DLG1: variants seen among roughly 807,000 people sequenced by gnomAD.
DLG1 encodes the protein disks large homolog 1.
In DLG1, 42 loss-of-function variants were observed where a neutral mutation model predicts 123.4. The observed-to-expected ratio is 0.34, with a 90% confidence interval of 0.27 to 0.44. The LOEUF is 0.44. Among genes scored for constraint, DLG1 ranks in the 20% least tolerant of loss-of-function variants. The pLI, the probability that DLG1 is intolerant of heterozygous loss-of-function variation, is 1.00. For synonymous variants in DLG1, 317 were observed against 356.2 expected, an observed-to-expected ratio of 0.89 and a Z score of 1.24; for missense variants, 942 against 1,082.6, an observed-to-expected ratio of 0.87 and a Z score of 1.82.
At chr3:197,149,520 G>C (rs1413518912) in intron 6 of DLG1, among the ~76,000 whole-genome samples, 1 of 151,808 alleles carries the variant, frequency 6.6e-6, no homozygotes, top group African/African-American at 2.4e-5. Context: ...ATTAAATTAC[G>C]AATTTCTATT....
intron 16 of DLG1, among the ~76,000 whole-genome samples, chr3:197,083,337 C>T (rs564169692): frequency 9.9e-4 from 150 of 152,130 alleles, no homozygotes; most frequent in Non-Finnish European, 1.8e-3. Flanking sequence ...ACAGCATAAT[C>T]GACTTAAAAT....
intron 18 of DLG1, chr3:197,070,172 CTTTTA>C (rs1248135164): frequency 1.3e-5 from 2 of 151,508 alleles, no homozygotes; most frequent in Non-Finnish European, 2.9e-5. Flanking sequence ...AAGACTAATA[CTTTTA>C]TTTTTAAAAA....
rs185363861 is a variant in DLG1 at position 197,118,851 on chromosome 3, C to T, written c.1286+559G>A. On this transcript the variant is annotated intron_variant, in intron 12 of 24. Transcript: ENST00000667157. ...GATATATAGCAAACAAACAAACCCA[C>T]CCACCAGCCAGGCAAAGGGGATCAC... Among the ~76,000 whole-genome samples the T allele has an allele frequency of 8.9e-4, 135 of 152,208 alleles. 1 individual carries two copies. Among genetic ancestry groups the T allele is most frequent in the African/African-American group, 2.9e-3 (121 of 41,532 alleles).
At chr3:197,134,168 A>T (rs1783994995) in intron 10 of DLG1, among the ~76,000 whole-genome samples, 1 of 152,168 alleles carries the variant, frequency 6.6e-6, no homozygotes, top group Non-Finnish European at 1.5e-5. Flanking sequence ...AAGAGTGGTG[A>T]TCTTAGCTGT....
chr3:197,065,577 A>C, intron 21 of DLG1, 129 bp from the exon 22 acceptor site: 1 of 1,011,686 alleles, frequency 9.9e-7, no homozygotes, highest in Non-Finnish European at 1.5e-6. Context: ...AAGGACAATA[A>C]TATGGAGGAT....
chr3:197,102,909 C>T (rs1764299127), intron 14 of DLG1, among the ~76,000 whole-genome samples: 1 of 152,146 alleles, frequency 6.6e-6, no homozygotes, highest in Non-Finnish European at 1.5e-5. Flanking sequence ...GCTAGAGTAG[C>T]TATTCCAGAA....
chr3:197,072,001 T>C (rs552268728), intron 18 of DLG1, among the ~76,000 whole-genome samples: 191 of 152,326 alleles, frequency 1.3e-3, no homozygotes, highest in African/African-American at 4.4e-3. Context: ...AGCAACACTA[T>C]TTAAAATAGC....
intron 5 of DLG1, among the ~76,000 whole-genome samples, chr3:197,155,595 G>T (rs557277821): frequency 6.6e-6 from 1 of 151,762 alleles, no homozygotes; most frequent in Non-Finnish European, 1.5e-5. Context: ...TTTTCCACAT[G>T]ATTGAAGAGA....
chr3:197,291,589 TTAG>T (rs1348299937), intron 3 of DLG1, among the ~76,000 whole-genome samples: 1 of 152,200 alleles, frequency 6.6e-6, no homozygotes, highest in African/African-American at 2.4e-5. Context: ...TGCTTGTCAT[TTAG>T]TATTCTTTAT....
At chr3:197,232,977 T>C (rs1049529788) in intron 4 of DLG1, among the ~76,000 whole-genome samples, 2 of 152,126 alleles carry the variant, frequency 1.3e-5, no homozygotes, top group Admixed American at 1.3e-4. Flanking sequence ...AAAACTGTAC[T>C]GGACATTCTA....
intron 3 of DLG1, among the ~76,000 whole-genome samples, chr3:197,284,704 A>T (rs769706003): frequency 1.3e-5 from 2 of 152,216 alleles, no homozygotes; most frequent in Non-Finnish European, 2.9e-5. Flanking sequence ...ACAGCAAGCA[A>T]GAAGAGAAAA....
chr3:197,058,913 C>T (rs1214879944), intron 23 of DLG1, among the ~76,000 whole-genome samples: 1 of 152,158 alleles, frequency 6.6e-6, no homozygotes, highest in Non-Finnish European at 1.5e-5. Context: ...GAATATTTTA[C>T]TTTTATGAAA....
chr3:197,124,306 G>A (rs1338566413), intron 11 of DLG1, among the ~76,000 whole-genome samples: 1 of 152,106 alleles, frequency 6.6e-6, no homozygotes, highest in African/African-American at 2.4e-5. Flanking sequence ...ACAGAGTCTT[G>A]CTTTGTCGCC....
At chr3:197,218,702 A>G (rs1735308538) in intron 4 of DLG1, among the ~76,000 whole-genome samples, 1 of 152,226 alleles carries the variant, frequency 6.6e-6, no homozygotes, top group Non-Finnish European at 1.5e-5. Context: ...GCTTGTTTGG[A>G]ACAATTTAAA....
At chr3:197,194,209 A>G in intron 5 of DLG1, 1 of 299,558 alleles carries the variant, frequency 3.3e-6, no homozygotes, top group Middle Eastern at 8.8e-4. Context: ...ACTTAAAGAT[A>G]GCATCACTGA....
chr3:197,230,293 T>C (rs1176097057), intron 4 of DLG1, among the ~76,000 whole-genome samples: 1 of 152,190 alleles, frequency 6.6e-6, no homozygotes, highest in Admixed American at 6.5e-5. Context: ...AGTAAATATA[T>C]GGTAATAAAT....
At chr3:197,109,209 TAAAG>T (rs781016167) in intron 13 of DLG1, among the ~76,000 whole-genome samples, 24 of 151,990 alleles carry the variant, frequency 1.6e-4, no homozygotes, top group Admixed American at 3.3e-4. Flanking sequence ...TCTAAAAAAA[TAAAG>T]AAAACAATTC....
intron 12 of DLG1, among the ~76,000 whole-genome samples, chr3:197,117,161 T>TA (rs1422158516): frequency 1.3e-5 from 2 of 151,942 alleles, no homozygotes; most frequent in East Asian, 1.9e-4. Context: ...GGATGGCTAT[T>TA]AAAAAAACCA....
At chr3:197,083,978 A>G (rs1752706298) in intron 16 of DLG1, among the ~76,000 whole-genome samples, 1 of 152,112 alleles carries the variant, frequency 6.6e-6, no homozygotes. Context: ...GTCTCTTAAA[A>G]AAATCAATCT....
Sources: allele counts gnomAD v4.1 joint callset (sites outside exome capture counted in the v4.1 genomes callset), GRCh38; gene constraint gnomAD v4.1.1; transcripts MANE v1.5; gene names NCBI Gene and HGNC (gene_info 2026-07-23, HGNC 2026-07-21).